The following TENM3 variants were observed in gnomAD, a reference collection of about 807,000 sequenced individuals.
TENM3 encodes the protein teneurin transmembrane protein 3, also known as teneurin-3.
TENM3 carries 63 observed loss-of-function variants against 255.1 expected under a neutral mutation model. The observed-to-expected ratio is 0.25, with a 90% confidence interval of 0.20 to 0.30. TENM3 has a LOEUF of 0.30. Ranked by LOEUF, TENM3 falls within the 10% of genes least tolerant of loss-of-function variation. TENM3 has a pLI of 1.00. For synonymous variants in TENM3, 1,306 were observed against 1,322.3 expected, an observed-to-expected ratio of 0.99 and a Z score of 0.27; for missense variants, 2,929 against 3,461.1, an observed-to-expected ratio of 0.85 and a Z score of 3.86.
chr4:182,187,940 G>A (rs574149775), intron 1 of TENM3, among the ~76,000 whole-genome samples: 14 of 152,208 alleles, frequency 9.2e-5, no homozygotes, highest in African/African-American at 3.4e-4. Flanking sequence ...AGTGTCTACA[G>A]CTTGTGGCAT....
rs562578993 is a variant in TENM3, at chr4:182,623,011, CT to C, written c.750-5627del. 2.0e-3 allele frequency among the ~76,000 whole-genome samples: 291 copies of C among 143,000 alleles called. 1 individual carries two copies. The highest frequency in any genetic ancestry group is 4.4e-3 in the African/African-American group (174 of 39,186). 93.8% of individuals were successfully genotyped at this position (143,000 alleles called of 152,430 possible). On this transcript the variant is annotated intron_variant, in intron 4 of 27. Transcript: ENST00000511685. ...ATTTTTATTTTTTTAGACAGAGTCT[CT>C]TTTTTTTTTTTTCTTTGAGACTGAG...
intron 3 of TENM3, among the ~76,000 whole-genome samples, chr4:182,441,538 C>T (rs747440714): frequency 6.6e-6 from 1 of 152,088 alleles, no homozygotes; most frequent in East Asian, 1.9e-4. Context: ...CGCTCTGTTG[C>T]CCAGGCTGGA....
the TENM3 span, chr4:181,976,293 T>C: frequency 2.6e-5 from 4 of 152,202 alleles, no homozygotes; most frequent in African/African-American, 7.2e-5. Flanking sequence ...CTAGTTTTTG[T>C]ATTTTTAGTA....
the TENM3 span, among the ~76,000 whole-genome samples, chr4:181,653,718 T>TA: frequency 1.4e-5 from 2 of 146,620 alleles, no homozygotes; most frequent in African/African-American, 2.5e-5. Flanking sequence ...TTTTTTTTTT[T>TA]AAATTATGGG....
chr4:182,217,366 T>C (rs1755554378), intron 1 of TENM3, among the ~76,000 whole-genome samples: 1 of 152,084 alleles, frequency 6.6e-6, no homozygotes, highest in African/African-American at 2.4e-5. Flanking sequence ...GCAAAGTGAT[T>C]ATCTGACTAG....
At chr4:182,608,292 C>T (rs1310339562) in intron 4 of TENM3, among the ~76,000 whole-genome samples, 1 of 152,066 alleles carries the variant, frequency 6.6e-6, no homozygotes, top group African/African-American at 2.4e-5. Context: ...CTTGCTCTGT[C>T]ACTCATGCTA....
At chr4:182,304,469 C>T (rs1163467074) in intron 1 of TENM3, among the ~76,000 whole-genome samples, 1 of 152,148 alleles carries the variant, frequency 6.6e-6, no homozygotes, top group Non-Finnish European at 1.5e-5. Context: ...GCCTCGGCCT[C>T]CCTAAGTAAT....
chr4:181,615,299 C>T, the TENM3 span, among the ~76,000 whole-genome samples: 2 of 152,084 alleles, frequency 1.3e-5, no homozygotes, highest in East Asian at 3.9e-4. Context: ...CAGAGAAAGA[C>T]GCATTAACCC....
Position 182,445,614 on chromosome 4 carries a change from T to TA in TENM3, c.511+98685_511+98686insA, listed in dbSNP as rs1253225190. Among the ~76,000 whole-genome samples the TA allele has an allele frequency of 2.2e-4, 33 of 152,212 alleles. 1 individual carries two copies. In the East Asian group the frequency reaches 5.6e-3, roughly 26 times the overall value. The stretch of plus-strand genomic sequence containing the variant: ...ACAGCTCATTTGTGGACTTTTTATT[T>TA]TTTTTTTTAAATACAATTTGCTTTG... On this transcript the variant is annotated intron_variant, in intron 3 of 27. Transcript: ENST00000511685.
At chr4:182,346,992 C>CCT in intron 3 of TENM3, 63 bp downstream of exon 3, 4 of 1,010,490 alleles carry the variant, frequency 4.0e-6, no homozygotes, top group South Asian at 3.8e-5. Context: ...TTGGTTGACT[C>CCT]CGCGGGGGGG....
At chr4:181,714,279 GT>G in the TENM3 span, among the ~76,000 whole-genome samples, 2 of 151,506 alleles carry the variant, frequency 1.3e-5, no homozygotes, top group African/African-American at 4.9e-5. Context: ...GTACAAAGAA[GT>G]TAGAAAAAAA....
At chr4:182,736,176 G>A (rs1761146163) in intron 16 of TENM3, among the ~76,000 whole-genome samples, 1 of 152,134 alleles carries the variant, frequency 6.6e-6, no homozygotes, top group Non-Finnish European at 1.5e-5. Flanking sequence ...TCTCAACATG[G>A]ATATGGAATC....
chr4:182,602,294 G>T (rs1475358312), intron 4 of TENM3, among the ~76,000 whole-genome samples: 2 of 152,214 alleles, frequency 1.3e-5, no homozygotes, highest in Non-Finnish European at 2.9e-5. Flanking sequence ...AGAAAAGCCA[G>T]AAAATAGAGA....
chr4:181,919,489 G>A, the TENM3 span, among the ~76,000 whole-genome samples: 1 of 151,924 alleles, frequency 6.6e-6, no homozygotes, highest in Non-Finnish European at 1.5e-5. Context: ...AACCTGAGGG[G>A]CCATTAACTT....
intron 22 of TENM3, among the ~76,000 whole-genome samples, chr4:182,758,550 C>CG (rs1286908432): frequency 6.6e-6 from 1 of 152,076 alleles, no homozygotes; most frequent in Non-Finnish European, 1.5e-5. Context: ...ATAGAGGCAG[C>CG]GGGGGGCTTC....
chr4:182,299,079 G>C (rs548584932), intron 1 of TENM3, among the ~76,000 whole-genome samples: 1 of 148,640 alleles, frequency 6.7e-6, no homozygotes, highest in East Asian at 2.0e-4. Context: ...AGAGGTAGGA[G>C]AGTTGTGAAA....
intron 3 of TENM3, among the ~76,000 whole-genome samples, chr4:182,471,838 A>G (rs1034216948): frequency 4.6e-5 from 7 of 152,194 alleles, no homozygotes; most frequent in African/African-American, 1.7e-4. Context: ...AATTGTATTC[A>G]GAAGTCAACT....
chr4:181,789,448 G>T, the TENM3 span, among the ~76,000 whole-genome samples: 1 of 151,604 alleles, frequency 6.6e-6, no homozygotes, highest in Admixed American at 6.6e-5. Context: ...GTAGAGATGG[G>T]GTTTTGCCAT....
intron 3 of TENM3, among the ~76,000 whole-genome samples, chr4:182,507,406 T>C (rs994416025): frequency 1.3e-5 from 2 of 152,192 alleles, no homozygotes; most frequent in Admixed American, 1.3e-4. Context: ...TTGCCAAGTG[T>C]CTTTAAAAAT....
Sources: allele counts gnomAD v4.1 joint callset (sites outside exome capture counted in the v4.1 genomes callset), GRCh38; gene constraint gnomAD v4.1.1; transcripts MANE v1.5; gene names NCBI Gene and HGNC (gene_info 2026-07-23, HGNC 2026-07-21).